EXOC1: variants seen among roughly 807,000 people sequenced by gnomAD.
The protein encoded by EXOC1 is SEC3-like 1.
A neutral mutation model predicts 107.7 loss-of-function variants in EXOC1; 67 were observed. The observed-to-expected ratio is 0.62, with a 90% confidence interval of 0.51 to 0.76. The LOEUF (loss-of-function observed/expected upper bound fraction) is 0.76. Ranked by LOEUF, EXOC1 falls within the 30% of genes least tolerant of loss-of-function variation. The pLI is 0.00. For missense variants in EXOC1, 833 were observed against 1,055.7 expected, an observed-to-expected ratio of 0.79 and a Z score of 2.92; for synonymous variants, 348 against 353.5, an observed-to-expected ratio of 0.98 and a Z score of 0.17.
At position 55,883,841 on chromosome 4, in the gene EXOC1, TC is replaced by T; in HGVS notation, c.1246del (p.Arg416AspfsTer18). 6.3e-7 allele frequency: 1 copy of T among 1,595,886 alleles called. No homozygotes were observed. Among genetic ancestry groups the T allele is most frequent in the Non-Finnish European group, 8.5e-7 (1 of 1,171,044 alleles). ...GLTKNYMDYL[S>X]RLYEREIKDF... is the part of the protein sequence containing the mutation. Reference sequence around the variant, plus strand: ...TTTTAAGAATTACATGGATTATTTATCCCGACTATATGAAAGAGAAATCAAA... The same window carrying T: ...TTTTAAGAATTACATGGATTATTTATCCGACTATATGAAAGAGAAATCAAA... On this transcript the variant is annotated frameshift_variant, in exon 10 of 19. Coordinates refer to ENST00000381295, the MANE Select transcript of EXOC1 (RefSeq NM_001024924.2). LOFTEE classifies it high-confidence loss of function.
rs1003422984 is a variant in EXOC1, at chr4:55,871,931, T to C, written c.1047T>C (p.Ser349=). The part of the protein sequence containing the change: ...LRELFARRLA[S]HLNNVFVQQG... ...AGCTTTTTGCCCGGAGACTGGCCAG[T>C]CACCTCAACAATGTTTTTGTTCAAC... The change falls in exon 8 of 19, where the codon AGT becomes AGC. Residue 349 remains serine, a synonymous_variant. Transcript: ENST00000381295. The C allele has an allele frequency of 6.2e-7, 1 of 1,613,654 alleles. No homozygotes were observed. Among genetic ancestry groups the C allele is most frequent in the African/African-American group, 1.3e-5 (1 of 74,880 alleles).
At chr4:55,880,341 C>T (rs535893298) in intron 9 of EXOC1, among the ~76,000 whole-genome samples, 4 of 151,044 alleles carry the variant, frequency 2.6e-5, no homozygotes, top group African/African-American at 9.7e-5. Flanking sequence ...TGCTTATATA[C>T]TTCTTGTCTG....
At chr4:55,885,193 G>A (rs1419819395) in intron 10 of EXOC1, among the ~76,000 whole-genome samples, 1 of 151,916 alleles carries the variant, frequency 6.6e-6, no homozygotes, top group African/African-American at 2.4e-5. Flanking sequence ...GTCACCACTT[G>A]TTAGTGAACC....
intron 13 of EXOC1, among the ~76,000 whole-genome samples, chr4:55,892,081 C>T (rs1391177301): frequency 6.6e-6 from 1 of 152,132 alleles, no homozygotes; most frequent in Non-Finnish European, 1.5e-5. Flanking sequence ...ATGCCACAGA[C>T]AACCAACTTA....
intron 14 of EXOC1, among the ~76,000 whole-genome samples, chr4:55,893,172 A>G (rs1306946798): frequency 1.3e-5 from 2 of 152,034 alleles, no homozygotes; most frequent in Admixed American, 6.6e-5. Context: ...CTGGAATGCA[A>G]TGGCGCCATC....
intron 6 of EXOC1, 36 bp downstream of exon 6, chr4:55,870,941 T>G: frequency 6.5e-7 from 1 of 1,544,370 alleles, no homozygotes; most frequent in Non-Finnish European, 8.8e-7. Context: ...AAAAAAAAAC[T>G]AGTGATGATA....
At position 55,892,607 on chromosome 4, in the gene EXOC1, A is replaced by G. The variant is rs539539583; in HGVS notation, c.1648-28A>G. 38 of 1,605,832 alleles carry G rather than the reference A, an allele frequency of 2.4e-5. No homozygotes were observed. In the South Asian group the frequency reaches 3.2e-4, roughly 13 times the overall value. On this transcript the variant is annotated intron_variant, in intron 13 of 18. Coordinates refer to ENST00000381295, the MANE Select transcript of EXOC1 (RefSeq NM_001024924.2). ...CTAGTCAAATTGTTGGTCTTTTATT[A>G]TGTAAAGTGCCTGAATAATTTTTGC...
chr4:55,875,464 A>T (rs987421872), intron 8 of EXOC1: 2 of 982,190 alleles, frequency 2.0e-6, no homozygotes, highest in Non-Finnish European at 2.4e-6. Context: ...TCATTTCTTT[A>T]AAAAAGTCAC....
At chr4:55,902,617 C>T (rs530733488) in intron 18 of EXOC1, 79 bp downstream of exon 18, 1 of 1,169,614 alleles carries the variant, frequency 8.5e-7, no homozygotes, top group African/African-American at 1.6e-5. Flanking sequence ...TCTAGAAATG[C>T]TACAGATCTA....
At position 55,893,655 on chromosome 4, in the gene EXOC1, C is replaced by T. The variant is rs1257093313; in HGVS notation, c.1828C>T (p.Leu610Phe). 4 of 1,614,090 alleles carry T rather than the reference C, an allele frequency of 2.5e-6. No homozygotes were observed. The East Asian group carries it at 8.9e-5, about 36-fold the overall frequency. Residue 610 changes from leucine (L) to phenylalanine (F), a missense_variant, in exon 15 of 19, where the codon CTT (leucine) becomes TTT (phenylalanine). Transcript: ENST00000381295. ...LGDKIDSFNS[L>F]YMLVKMSHHV... is the part of the protein sequence containing the mutation. ...AGACAAAATTGATAGCTTTAACTCTCTTTATATGTTAGTCAAAATGAGTCA... is the reference window on the plus strand; with the variant it reads ...AGACAAAATTGATAGCTTTAACTCTTTTTATATGTTAGTCAAAATGAGTCA...
At chr4:55,859,630 C>A (rs915548421) in intron 2 of EXOC1, among the ~76,000 whole-genome samples, 2 of 152,034 alleles carry the variant, frequency 1.3e-5, no homozygotes, top group African/African-American at 4.8e-5. Context: ...CAGTCTCCAT[C>A]TCAAGGAGAA....
chr4:55,898,003 C>G (rs965557541), intron 16 of EXOC1, among the ~76,000 whole-genome samples: 1 of 152,250 alleles, frequency 6.6e-6, no homozygotes, highest in Non-Finnish European at 1.5e-5. Flanking sequence ...CACCTGTAAT[C>G]GCAGCACTTT....
intron 15 of EXOC1, among the ~76,000 whole-genome samples, chr4:55,893,992 G>A (rs2109472072): frequency 6.6e-6 from 1 of 152,194 alleles, no homozygotes; most frequent in South Asian, 2.1e-4. Context: ...ATCTTGGCAA[G>A]TTCTGGAGGA....
intron 9 of EXOC1, chr4:55,882,664 A>G (rs1236932586): frequency 6.6e-6 from 1 of 152,234 alleles, no homozygotes; most frequent in Non-Finnish European, 1.5e-5. Flanking sequence ...TCCAAATGCT[A>G]TTTTATAAGA....
At chr4:55,901,238 C>T (rs1272550390) in intron 17 of EXOC1, among the ~76,000 whole-genome samples, 1 of 152,106 alleles carries the variant, frequency 6.6e-6, no homozygotes, top group African/African-American at 2.4e-5. Context: ...TGGTGTTGGT[C>T]AAGTGACAAA....
intron 8 of EXOC1, chr4:55,877,673 G>A (rs1723026115): frequency 2.0e-6 from 2 of 985,376 alleles, no homozygotes; most frequent in South Asian, 4.7e-5. Context: ...ATGGGTAGTT[G>A]ATTTATCAGA....
At chr4:55,890,494 A>G in intron 12 of EXOC1, 108 bp downstream of exon 12, 1 of 772,226 alleles carries the variant, frequency 1.3e-6, no homozygotes, top group Non-Finnish European at 2.0e-6. Context: ...GGCTCTCTTA[A>G]GCATTAACCA....
intron 10 of EXOC1, 35 bp from the exon 11 acceptor site, chr4:55,888,853 T>G: frequency 6.2e-7 from 1 of 1,612,674 alleles, no homozygotes; most frequent in Non-Finnish European, 8.5e-7. Flanking sequence ...TTAACTTGTC[T>G]TTGTCTTTGA....
intron 7 of EXOC1, among the ~76,000 whole-genome samples, chr4:55,871,514 G>C (rs1072799): frequency 0.085 from 12,867 of 152,118 alleles, 648 homozygotes; most frequent in African/African-American, 0.12. Context: ...TTGGTTAGAC[G>C]AGAGCAATTA....
Sources: allele counts gnomAD v4.1 joint callset (sites outside exome capture counted in the v4.1 genomes callset), GRCh38; gene constraint gnomAD v4.1.1; transcripts MANE v1.5; gene names NCBI Gene and HGNC (gene_info 2026-07-23, HGNC 2026-07-21).